The following DST variants were observed in gnomAD, a reference collection of about 807,000 sequenced individuals.
The protein encoded by DST is bullous pemphigoid antigen.
DST carries 253 observed loss-of-function variants against 875.2 expected under a neutral mutation model. The ratio of observed to expected loss-of-function variants is 0.29; its 90% CI spans 0.26 to 0.32. The LOEUF is 0.32. DST is among the 10% of genes least tolerant of loss of function. DST has a pLI of 1.00. For missense variants in DST, 8,287 were observed against 9,111.6 expected (o/e 0.91, Z 3.68); for synonymous variants, 3,124 against 3,197.1 (o/e 0.98, Z 0.77).
chr6:56,670,530 A>T, intron 10 of DST, 111 bp downstream of exon 10: 1 of 854,964 alleles, frequency 1.2e-6, no homozygotes, highest in Non-Finnish European at 1.7e-6. Context: ...TGTATTTTCT[A>T]ATTTTTTGCC....
At chr6:56,630,199 C>A (rs1487575673) in intron 31 of DST, 46 bp downstream of exon 31, 4 of 1,397,826 alleles carry the variant, frequency 2.9e-6, no homozygotes, top group Non-Finnish European at 4.0e-6. Context: ...TAGAGAAATA[C>A]TTGTAGAATA....
At chr6:56,553,783 T>C in intron 60 of DST, 128 bp from the exon 61 acceptor site, 7 of 835,314 alleles carry the variant, frequency 8.4e-6, no homozygotes, top group Non-Finnish European at 1.3e-5. Context: ...TAGCATTGAC[T>C]ATAAGAACTA....
At chr6:56,507,537 G>T (rs1191662976) in intron 75 of DST, among the ~76,000 whole-genome samples, 1 of 152,210 alleles carries the variant, frequency 6.6e-6, no homozygotes, top group Non-Finnish European at 1.5e-5. Flanking sequence ...AAGTATACAA[G>T]AAAAGGTTTT....
intron 4 of DST, among the ~76,000 whole-genome samples, chr6:56,758,238 C>CTGGATGTGAACTTGAGCTAGA (rs2099608969): frequency 6.6e-6 from 1 of 152,184 alleles, no homozygotes; most frequent in Non-Finnish European, 1.5e-5. Context: ...TCCAGTTCAG[C>CTGGATGTGAACTTGAGCTAGA]TGTGGCCATT....
intron 4 of DST, among the ~76,000 whole-genome samples, chr6:56,801,706 G>A (rs969240015): frequency 6.7e-6 from 1 of 149,404 alleles, no homozygotes; most frequent in Non-Finnish European, 1.5e-5. Flanking sequence ...AATATAAAAT[G>A]TATTTAATGT....
intron 9 of DST, among the ~76,000 whole-genome samples, chr6:56,672,572 A>G (rs939616415): frequency 6.6e-6 from 1 of 152,298 alleles, no homozygotes; most frequent in African/African-American, 2.4e-5. Context: ...GTCCAAAATT[A>G]TGCTACAGTA....
chr6:56,634,251 G>A lies in DST; in HGVS notation c.3502C>T (p.Gln1168Ter), dbSNP rs987541297. ...EAVDLANRIE[Q>*]QYQNVLTLWH... ...AGAGTCAGGACATTCTGATACTGTT[G>A]CTCAATTCTGAAATACATGAAAGAG... The change falls in exon 27 of 104, where the codon CAA becomes TAA. Residue 1168 changes from glutamine to a stop codon, truncating the protein, a stop_gained. Transcript: ENST00000680361. LOFTEE classifies it high-confidence loss of function. 6.2e-7 allele frequency: 1 copy of A among 1,613,606 alleles called. No individual in the cohort carries two copies. The highest frequency in any genetic ancestry group is 1.3e-5 in the African/African-American group (1 of 74,894).
At chr6:56,797,517 C>T (rs1296184285) in intron 4 of DST, among the ~76,000 whole-genome samples, 2 of 152,024 alleles carry the variant, frequency 1.3e-5, no homozygotes, top group Non-Finnish European at 2.9e-5. Flanking sequence ...AATTCAAAGG[C>T]GAAGTTCTTG....
intron 15 of DST, among the ~76,000 whole-genome samples, chr6:56,644,744 G>A (rs1587658612): frequency 6.6e-6 from 1 of 152,178 alleles, no homozygotes; most frequent in Admixed American, 6.5e-5. Context: ...TAGGTGTAAG[G>A]CAGCCAGTGT....
rs367580085 is a variant in DST, at chr6:56,877,079, T to TA, written c.417+23341dup. On this transcript the variant is annotated intron_variant, in intron 3 of 103. Coordinates refer to ENST00000680361, the MANE Select transcript of DST (RefSeq NM_001374736.1). The stretch of plus-strand genomic sequence containing the variant: ...TGTGCCTATAAGAAGCAAATAATGC[T>TA]AAAAAAACATTTGGCCTAAAAGGCT... 1.2e-3 allele frequency among the ~76,000 whole-genome samples: 189 copies of TA among 152,254 alleles called. 1 individual carries two copies. Among genetic ancestry groups the TA allele is most frequent in the African/African-American group, 4.1e-3 (169 of 41,550 alleles).
At chr6:56,762,815 T>C (rs79028298) in intron 4 of DST, among the ~76,000 whole-genome samples, 7,034 of 151,106 alleles carry the variant, frequency 0.047, 538 homozygotes, top group African/African-American at 0.16. Context: ...TACTATACCA[T>C]AGGTAAAACA....
At chr6:56,648,509 T>C (rs371585131) in intron 13 of DST, 61 bp downstream of exon 13, 17 of 1,435,036 alleles carry the variant, frequency 1.2e-5, no homozygotes, top group South Asian at 2.9e-5. Flanking sequence ...AGAATTATTA[T>C]AGCATTACTT....
rs140632906 is a variant in DST, at chr6:56,849,378, G to A, written c.625+2019C>T. ...TCTCGATCTCTTGACCTCATGATCC[G>A]CCCACGGGGGCCTCCCAAAGTGCTG... is the stretch of plus-strand genomic sequence containing the variant. On this transcript the variant is annotated intron_variant, in intron 4 of 103. Transcript: ENST00000680361. Among the ~76,000 whole-genome samples, 274 of 151,988 alleles carry A rather than the reference G, an allele frequency of 1.8e-3. No homozygotes were observed. The Middle Eastern group carries it at 0.024, about 13-fold the overall frequency.
At position 56,607,916 on chromosome 6, in the gene DST, G is replaced by A. The variant is rs1279437119; in HGVS notation, c.6712C>T (p.His2238Tyr). ...EAVGMLLEGCHAEFDGNTAIK... is the reference protein window; with the variant it reads ...EAVGMLLEGCYAEFDGNTAIK... ...GCTGTGTTTCCATCAAATTCTGCAT[G>A]ACAGCCTTCCAGTAGCATGCCAACA... Residue 2238 changes from histidine (H) to tyrosine (Y), a missense_variant, in exon 40 of 104, where the codon CAT becomes TAT. This residue lies in a region of DST where 3,138 missense variants were observed against 3,116.6 expected (regional missense o/e 1.01). Coordinates refer to ENST00000680361, the MANE Select transcript of DST (RefSeq NM_001374736.1). The A allele has an allele frequency of 1.2e-6, 2 of 1,613,646 alleles. No homozygotes were observed. The highest frequency in any genetic ancestry group is 4.5e-5 in the East Asian group (2 of 44,864).
At chr6:56,878,801 C>G (rs1177373823) in intron 3 of DST, among the ~76,000 whole-genome samples, 1 of 152,120 alleles carries the variant, frequency 6.6e-6, no homozygotes, top group Non-Finnish European at 1.5e-5. Context: ...TCTTTTGCCA[C>G]TGCAGCCTGA....
At position 56,573,898 on chromosome 6, in the gene DST, C is replaced by A. The variant is rs757935664; in HGVS notation, c.13028-11G>T. Reference sequence around the variant, plus strand: ...TCCCAACAATGTCATCTACTCCAAACAGATCAGGAATATTAACCACAAAGT... The same window carrying A: ...TCCCAACAATGTCATCTACTCCAAAAAGATCAGGAATATTAACCACAAAGT... On this transcript the variant is annotated splice_polypyrimidine_tract_variant and intron_variant, in intron 50 of 103. Transcript: ENST00000680361. The A allele has an allele frequency of 1.2e-6, 2 of 1,601,098 alleles. No individual in the cohort carries two copies. The highest frequency in any genetic ancestry group is 2.2e-5 in the South Asian group (2 of 90,214).
chr6:56,922,295 G>A (rs534663472), intron 2 of DST, among the ~76,000 whole-genome samples: 5 of 152,224 alleles, frequency 3.3e-5, no homozygotes, highest in South Asian at 2.1e-4. Context: ...AGCTGCAGCC[G>A]CCCTTCGTTC....
chr6:56,677,263 C>T (rs1258961783), intron 9 of DST, among the ~76,000 whole-genome samples: 1 of 152,166 alleles, frequency 6.6e-6, no homozygotes, highest in African/African-American at 2.4e-5. Context: ...TCTCCCACCA[C>T]TACTTATCTA....
In DST at chr6:56,521,605, A is replaced by G. The variant is rs1457357673; in HGVS notation, c.18130-3985T>C. ...TCAAACATTTGCTCTGCTAAGGAAA[A>G]AAAAAAAAAAAAAAAAAAAAGACTT... On this transcript the variant is annotated intron_variant, in intron 69 of 103. Coordinates refer to ENST00000680361, the MANE Select transcript of DST (RefSeq NM_001374736.1). 5.7e-4 allele frequency among the ~76,000 whole-genome samples: 9 copies of G among 15,868 alleles called. 1 individual carries two copies. In the South Asian group the frequency reaches 0.014, roughly 26 times the overall value. 10.4% of individuals were successfully genotyped at this position (15,868 alleles called of 152,430 possible).
Sources: allele counts gnomAD v4.1 joint callset (sites outside exome capture counted in the v4.1 genomes callset), GRCh38; gene constraint gnomAD v4.1.1; regional missense constraint gnomAD v4.1.1; transcripts MANE v1.5; gene names NCBI Gene and HGNC (gene_info 2026-07-23, HGNC 2026-07-21).